CRISP2: variants seen among roughly 807,000 people sequenced by gnomAD.
The protein encoded by CRISP2 is cysteine rich secretory protein 2.
In CRISP2, 29 loss-of-function variants were observed where a neutral mutation model predicts 31.7. That is an observed-to-expected ratio of 0.92 (90% CI 0.68 to 1.25). CRISP2 has a LOEUF of 1.25. Among genes scored for constraint, CRISP2 ranks in the 50% most tolerant of loss-of-function variants. The pLI, the probability that CRISP2 is intolerant of heterozygous loss-of-function variation, is 0.00. For missense variants in CRISP2, 318 were observed against 286.5 expected, an observed-to-expected ratio of 1.11 and a Z score of -0.79; for synonymous variants, 111 against 101.4, an observed-to-expected ratio of 1.09 and a Z score of -0.57.
At chr6:49,693,027 G>C in intron 9 of CRISP2, 127 bp from the exon 10 acceptor site, 1 of 822,164 alleles carries the variant, frequency 1.2e-6, no homozygotes, top group Non-Finnish European at 1.9e-6. Context: ...ACTACAATGG[G>C]TCTTTCATGT....
chr6:49,697,800 T>C (rs1478205157), intron 8 of CRISP2, 60 bp downstream of exon 8: 1 of 1,604,998 alleles, frequency 6.2e-7, no homozygotes. Context: ...GATATGAGAA[T>C]TATTAAAAAA....
intron 7 of CRISP2, 68 bp downstream of exon 7, chr6:49,698,294 C>T: frequency 6.5e-7 from 1 of 1,537,794 alleles, no homozygotes; most frequent in Non-Finnish European, 9.0e-7. Flanking sequence ...TTACAGTGGT[C>T]ATAATTTGGA....
downstream of CRISP2, among the ~76,000 whole-genome samples, chr6:49,691,080 A>G (rs995777913): frequency 6.6e-6 from 1 of 152,032 alleles, no homozygotes; most frequent in African/African-American, 2.4e-5. Context: ...GTTAAGGACC[A>G]GATCAGATCT....
intron 8 of CRISP2, chr6:49,697,530 G>T (rs1452451186): frequency 5.0e-6 from 2 of 397,588 alleles, no homozygotes; most frequent in Admixed American, 3.5e-5. Flanking sequence ...TACTCCTAGA[G>T]TATGAAATTA....
At chr6:49,706,951 T>C (rs1261008571) in intron 4 of CRISP2, among the ~76,000 whole-genome samples, 1 of 152,152 alleles carries the variant, frequency 6.6e-6, no homozygotes, top group Non-Finnish European at 1.5e-5. Context: ...TAAAGGCAGA[T>C]TTCTAAATCA....
intron 1 of CRISP2, among the ~76,000 whole-genome samples, chr6:49,713,021 T>A (rs1003279483): frequency 6.6e-6 from 1 of 152,170 alleles, no homozygotes; most frequent in African/African-American, 2.4e-5. Flanking sequence ...CATTTTTTTT[T>A]TAAATTCTGG....
intron 4 of CRISP2, among the ~76,000 whole-genome samples, chr6:49,701,500 G>GTATATATATATATA (rs1165518459): frequency 1.5e-4 from 7 of 46,554 alleles, no homozygotes; most frequent in African/African-American, 7.2e-4. Flanking sequence ...GTGTGTGTGT[G>GTATATATATATATA]TATATATATA....
chr6:49,698,386 A>G lies in CRISP2; in HGVS notation c.393T>C (p.Asn131=). The G allele has an allele frequency of 1.2e-6, 2 of 1,613,336 alleles. No homozygotes were observed. The highest frequency in any genetic ancestry group is 1.7e-6 in the Non-Finnish European group (2 of 1,179,598). ...FVYGVGPKSP[N]AVVGHYTQLV... ...CCTGAGTATAATGTCCAACAACTGC[A>G]TTGGGACTCTTTGGTCCTACACCAT... Residue 131 remains asparagine, a synonymous_variant, in exon 7 of 10, where the codon AAT becomes AAC. Transcript: ENST00000339139.
At chr6:49,704,807 G>C (rs530178656) in intron 4 of CRISP2, among the ~76,000 whole-genome samples, 23 of 152,148 alleles carry the variant, frequency 1.5e-4, no homozygotes, top group Non-Finnish European at 2.6e-4. Context: ...TTAGTGCACT[G>C]GTTTTCTTGA....
At chr6:49,689,895 A>G (rs1176157024), downstream of CRISP2, among the ~76,000 whole-genome samples, 1 of 152,098 alleles carries the variant, frequency 6.6e-6, no homozygotes, top group African/African-American at 2.4e-5. Context: ...GTTAGAGGAC[A>G]GTGGGAGGGT....
chr6:49,685,225 A>C, the CRISP2 span, among the ~76,000 whole-genome samples: 1 of 152,220 alleles, frequency 6.6e-6, no homozygotes, highest in South Asian at 2.1e-4. Flanking sequence ...ACTTAAAGTC[A>C]CACTGTGTTC....
intron 4 of CRISP2, among the ~76,000 whole-genome samples, chr6:49,702,074 A>C (rs1190100469): frequency 1.8e-5 from 2 of 113,332 alleles, no homozygotes; most frequent in African/African-American, 6.6e-5. Context: ...CATTAATATA[A>C]TGTAATATAT....
chr6:49,694,741 T>TTA (rs1764458989), intron 9 of CRISP2, among the ~76,000 whole-genome samples: 1 of 20,326 alleles, frequency 4.9e-5, no homozygotes, highest in African/African-American at 1.2e-4. Context: ...TATTTTTTTC[T>TTA]TTTTTTTTTT....
chr6:49,686,989 T>G, the CRISP2 span, among the ~76,000 whole-genome samples: 2 of 149,928 alleles, frequency 1.3e-5, no homozygotes, highest in Admixed American at 6.7e-5. Context: ...CACTCATAGG[T>G]GGGAATTGAA....
chr6:49,697,491 G>T (rs1386902421), intron 8 of CRISP2, among the ~76,000 whole-genome samples: 1 of 151,996 alleles, frequency 6.6e-6, no homozygotes, highest in Non-Finnish European at 1.5e-5. Context: ...TCTTCCATTT[G>T]CAATCTCACC....
intron 3 of CRISP2, among the ~76,000 whole-genome samples, 172 bp downstream of exon 3, chr6:49,711,113 C>A (rs1302134612): frequency 6.6e-6 from 1 of 152,070 alleles, no homozygotes; most frequent in African/African-American, 2.4e-5. Context: ...GCACTGCATT[C>A]CAGCCTGGGT....
intron 4 of CRISP2, among the ~76,000 whole-genome samples, chr6:49,706,177 AG>A (rs1766983308): frequency 6.6e-6 from 1 of 152,226 alleles, no homozygotes; most frequent in Admixed American, 6.5e-5. Flanking sequence ...ACATTTGATC[AG>A]GCTGCAAGGT....
chr6:49,690,130 A>G (rs1000067331), downstream of CRISP2, among the ~76,000 whole-genome samples: 9 of 152,132 alleles, frequency 5.9e-5, no homozygotes, highest in African/African-American at 2.2e-4. Flanking sequence ...ACCCTTAGGT[A>G]TCTTGTCTCC....
intron 9 of CRISP2, 118 bp downstream of exon 9, chr6:49,695,718 G>C (rs1019909926): frequency 1.2e-6 from 1 of 838,996 alleles, no homozygotes. Context: ...ATAATTTTGG[G>C]TTTTTTCACC....
Sources: gnomAD v4.1 joint callset for allele counts (sites outside exome capture counted in the v4.1 genomes callset) on GRCh38, gnomAD v4.1.1 for gene constraint, MANE v1.5 for transcripts, NCBI Gene and HGNC (gene_info 2026-07-23, HGNC 2026-07-21) for gene names.